The following DUSP8 variants were observed in gnomAD, a reference collection of about 807,000 sequenced individuals.
The protein encoded by DUSP8 is dual specificity phosphatase 8.
A neutral mutation model predicts 38.7 loss-of-function variants in DUSP8; 15 were observed. The observed-to-expected ratio is 0.39, with a 90% CI of 0.26 to 0.60. The LOEUF is 0.60. Among genes scored for constraint, DUSP8 ranks in the 20% least tolerant of loss-of-function variants. The pLI is 0.56. For synonymous variants in DUSP8, 458 were observed against 433.9 expected (o/e 1.06, Z -0.69); for missense variants, 768 against 915.0 (o/e 0.84, Z 2.07).
chr11:1,557,713 G>T lies in DUSP8; in HGVS notation c.821+81C>A, dbSNP rs1848658208. Reference sequence around the variant, plus strand: ...CCTTGCCACGGGTCCTGGACGGTGGGGTCATTCTGGTGCAAGTGGGCAGCC... The same window carrying T: ...CCTTGCCACGGGTCCTGGACGGTGGTGTCATTCTGGTGCAAGTGGGCAGCC... On this transcript the variant is annotated intron_variant, in intron 6 of 6. Coordinates refer to ENST00000397374, the MANE Select transcript of DUSP8 (RefSeq NM_004420.3). The surrounding 1 kb of genome is among the most constrained non-coding windows in gnomAD (Gnocchi z 9.9). The T allele has an allele frequency of 6.3e-7, 1 of 1,598,248 alleles. No homozygotes were observed. The highest frequency in any genetic ancestry group is 1.3e-5 in the African/African-American group (1 of 74,780).
chr11:1,554,676 A>G lies in DUSP8; in HGVS notation c.*1842T>C. ...GGGGCCCAACCAGTGGCCCCAGACC[A>G]CTGTCTCCCGGACAGCACAGGGGTG... On this transcript the variant is annotated 3_prime_UTR_variant, in exon 7 of 7. Transcript: ENST00000397374. 1 of 980,864 alleles carries G rather than the reference A, an allele frequency of 1.0e-6. No homozygotes were observed. The highest frequency in any genetic ancestry group is 1.1e-4 in the East Asian group (1 of 8,774). 60.8% of individuals were successfully genotyped at this position (980,864 alleles called of 1,614,324 possible).
At chr11:1,560,045 C>T (rs901365764) in intron 3 of DUSP8, among the ~76,000 whole-genome samples, 1 of 152,214 alleles carries the variant, frequency 6.6e-6, no homozygotes, top group Non-Finnish European at 1.5e-5. Context: ...GGGCGACCAC[C>T]GATGTGGACC....
intron 1 of DUSP8, among the ~76,000 whole-genome samples, chr11:1,568,500 T>C (rs1478443986): frequency 6.6e-6 from 1 of 152,152 alleles, no homozygotes; most frequent in Non-Finnish European, 1.5e-5. Flanking sequence ...GGGGATTCAT[T>C]AGCAAGTTAG....
intron 1 of DUSP8, among the ~76,000 whole-genome samples, chr11:1,568,686 C>T (rs1236276558): frequency 3.3e-5 from 5 of 152,212 alleles, no homozygotes; most frequent in Non-Finnish European, 7.4e-5. Context: ...CCCTCCGCTC[C>T]TCTGCCCTAC....
At position 1,565,889 on chromosome 11, in the gene DUSP8, C is replaced by T. The variant is rs1848795770; in HGVS notation, c.-63G>A. ...GTGAGGAGGGGCTGCTCCGACGGCCCAGGTGTGGCCTCGCGCTGGGAGTGA... is the reference window on the plus strand; with the variant it reads ...GTGAGGAGGGGCTGCTCCGACGGCCTAGGTGTGGCCTCGCGCTGGGAGTGA... On this transcript the variant is annotated 5_prime_UTR_variant, in exon 2 of 7. Coordinates refer to ENST00000397374, the MANE Select transcript of DUSP8 (RefSeq NM_004420.3). 20 of 1,408,944 alleles carry T rather than the reference C, an allele frequency of 1.4e-5. No homozygotes were observed. In the East Asian group the frequency reaches 4.6e-4, roughly 33 times the overall value. The allele number at this position is 1,408,944 out of a possible 1,614,324, so 87.3% of individuals were successfully genotyped here.
Position 1,559,275 on chromosome 11 carries a change from G to A in DUSP8, c.371-220C>T, listed in dbSNP as rs372863125. On this transcript the variant is annotated intron_variant, in intron 3 of 6. Transcript: ENST00000397374. ...CCACACATTTACAGCCTGCACCTACGCCCACATTCCTCCTCATGCTAATTA... is the reference window on the plus strand; with the variant it reads ...CCACACATTTACAGCCTGCACCTACACCCACATTCCTCCTCATGCTAATTA... The A allele has an allele frequency of 1.7e-4, 87 of 501,208 alleles. 1 individual carries two copies. The South Asian group carries it at 2.0e-3, about 12-fold the overall frequency. The allele number at this position is 501,208 out of a possible 1,614,324, so 31.0% of individuals were successfully genotyped here. A position where few individuals can be genotyped will look rare whatever the true frequency, so the allele number is the denominator to read the frequency against.
chr11:1,558,963 G>A lies in DUSP8; in HGVS notation c.463C>T (p.Pro155Ser), dbSNP rs775782936. 1.9e-6 allele frequency: 3 copies of A among 1,612,806 alleles called. No homozygotes were observed. Among genetic ancestry groups the A allele is most frequent in the Non-Finnish European group, 2.5e-6 (3 of 1,179,858 alleles). Residue 155 changes from proline to serine, a missense_variant, in exon 4 of 7, where the codon CCT becomes TCT. By Grantham distance (74) the Pro-to-Ser change is moderately conservative. Coordinates refer to ENST00000397374, the MANE Select transcript of DUSP8 (RefSeq NM_004420.3). The surrounding 1 kb of genome is among the most constrained non-coding windows in gnomAD (Gnocchi z 6.3). The part of the protein sequence containing the change: ...LPMSLSQPCL[P>S]VPSVGLTRIL... ...CGGGTCAGGCCCACGCTGGGCACAG[G>A]CAGGCAGGGCTGGGAGAGGCTCATG... is the stretch of plus-strand genomic sequence containing the variant.
In DUSP8 at chr11:1,558,179, C is replaced by G; in HGVS notation, c.630G>C (p.Arg210=). The G allele has an allele frequency of 1.2e-6, 2 of 1,611,996 alleles. No individual in the cohort carries two copies. The highest frequency in any genetic ancestry group is 1.7e-6 in the Non-Finnish European group (2 of 1,179,828). ...CACAGTAGTTGTCGTTGATGGGGAC[C>G]CGCATGAAGCGGCTCTCGCAGATGA... is the stretch of plus-strand genomic sequence containing the variant. ...PDFICESRFM[R]VPINDNYCEK... Residue 210 remains arginine, a synonymous_variant, in exon 5 of 7, where the codon CGG becomes CGC. Transcript: ENST00000397374. This position sits in a 1 kb window ranked among gnomAD's most constrained non-coding sequence, Gnocchi z 6.3.
At chr11:1,571,771 C>T (rs910897370) in intron 1 of DUSP8, 130 bp downstream of exon 1, 2 of 150,558 alleles carry the variant, frequency 1.3e-5, no homozygotes, top group African/African-American at 4.9e-5. Context: ...CCGGGGCCGC[C>T]TCCTCCTCCC....
chr11:1,557,226 G>A lies in DUSP8; in HGVS notation c.1170C>T (p.Leu390=), dbSNP rs1347561119. Residue 390 remains leucine (L), a synonymous_variant, in exon 7 of 7, where the codon CTC becomes CTT. Coordinates refer to ENST00000397374, the MANE Select transcript of DUSP8 (RefSeq NM_004420.3). The surrounding 1 kb of genome is among the most constrained non-coding windows in gnomAD (Gnocchi z 9.9). ...SSDRLQDTNR[L]KRSFSLDIKS... ...TGATGTCCAGGGAGAAGGAGCGCTTGAGGCGGTTAGTGTCCTGCAGGCGGT... is the reference window on the plus strand; with the variant it reads ...TGATGTCCAGGGAGAAGGAGCGCTTAAGGCGGTTAGTGTCCTGCAGGCGGT... 2 of 1,497,300 alleles carry A rather than the reference G, an allele frequency of 1.3e-6. No individual in the cohort carries two copies. The highest frequency in any genetic ancestry group is 1.8e-6 in the Non-Finnish European group (2 of 1,125,400). 92.8% of individuals were successfully genotyped at this position (1,497,300 alleles called of 1,614,324 possible). A position where few individuals can be genotyped will look rare whatever the true frequency, so the allele number is the denominator to read the frequency against.
chr11:1,565,937 G>T lies in DUSP8; in HGVS notation c.-108-3C>A. On this transcript the variant is annotated splice_polypyrimidine_tract_variant and splice_region_variant and intron_variant, in intron 1 of 6. Coordinates refer to ENST00000397374, the MANE Select transcript of DUSP8 (RefSeq NM_004420.3). The stretch of plus-strand genomic sequence containing the variant: ...TGACCTAGCACATGGTGCTGGACCT[G>T]CAGGGACAGGGGGATGGTCAGCAGT... 1 of 912,748 alleles carries T rather than the reference G, an allele frequency of 1.1e-6. No individual in the cohort carries two copies. Among genetic ancestry groups the T allele is most frequent in the Non-Finnish European group, 1.7e-6 (1 of 580,138 alleles). The allele number at this position is 912,748 out of a possible 1,614,324, so 56.5% of individuals were successfully genotyped here.
At position 1,565,620 on chromosome 11, in the gene DUSP8, G is replaced by T; in HGVS notation, c.207C>A (p.Leu69=). Residue 69 remains leucine (L), a synonymous_variant, in exon 2 of 7, where the codon CTC becomes CTA. Transcript: ENST00000397374. The part of the protein sequence containing the change: ...LQQGKVTIAE[L]IQPAARSQVE... ...CCTGGCTGCGTGCAGCCGGCTGGAT[G>T]AGCTCCGCAATGGTCACCTTGCCCT... The T allele has an allele frequency of 6.2e-7, 1 of 1,606,962 alleles. No individual in the cohort carries two copies. Among genetic ancestry groups the T allele is most frequent in the Non-Finnish European group, 8.5e-7 (1 of 1,176,262 alleles).
chr11:1,558,728 C>T lies in DUSP8; in HGVS notation c.537+161G>A, dbSNP rs1268554160. ...TCCTTCCAGGGGCATGGGTGGGGAG[C>T]CTGGGGTCCTCCTGGGCCCCCACCC... On this transcript the variant is annotated intron_variant, in intron 4 of 6. Coordinates refer to ENST00000397374, the MANE Select transcript of DUSP8 (RefSeq NM_004420.3). This position sits in a 1 kb window ranked among gnomAD's most constrained non-coding sequence, Gnocchi z 6.3. Among the ~76,000 whole-genome samples the T allele has an allele frequency of 7.2e-5, 11 of 152,068 alleles. No homozygotes were observed. Among genetic ancestry groups the T allele is most frequent in the Non-Finnish European group, 8.8e-5 (6 of 67,976 alleles).
chr11:1,568,907 C>T (rs1279187811), intron 1 of DUSP8, among the ~76,000 whole-genome samples: 2 of 152,218 alleles, frequency 1.3e-5, no homozygotes, highest in Non-Finnish European at 2.9e-5. Flanking sequence ...CCCAGGGGGA[C>T]ATGTTCCTCA....
intron 1 of DUSP8, among the ~76,000 whole-genome samples, chr11:1,569,154 A>AGGGGTTGGGGGGTGAGAGGC (rs1564937985): frequency 6.6e-6 from 1 of 152,060 alleles, no homozygotes; most frequent in African/African-American, 2.4e-5. Context: ...TCCAGTGCCT[A>AGGGGTTGGGGGGTGAGAGGC]GGGGTTGGGG....
rs774164065 is a variant in DUSP8, at chr11:1,565,673, A to T, written c.154T>A (p.Ser52Thr). 1 of 1,611,888 alleles carries T rather than the reference A, an allele frequency of 6.2e-7. No homozygotes were observed. Among genetic ancestry groups the T allele is most frequent in the Non-Finnish European group, 8.5e-7 (1 of 1,179,666 alleles). ...TGCAGCCGCCGCTTCACCAGCTTGG[A>T]GCAGCAGATGTTGACGGAGCTGAGC... Reference protein sequence around the residue: ...HVLSSVNICCSKLVKRRLQQG... With the variant: ...HVLSSVNICCTKLVKRRLQQG... The change falls in exon 2 of 7, where the codon TCC (serine) becomes ACC (threonine). Residue 52 changes from serine (S) to threonine (T), a missense_variant. Around this residue, in one of 3 missense-constraint regions of DUSP8, gnomAD observed 252 missense variants for 410.4 expected, o/e 0.61. Transcript: ENST00000397374.
At chr11:1,563,382 T>C (rs1848752120) in intron 3 of DUSP8, among the ~76,000 whole-genome samples, 2 of 152,118 alleles carry the variant, frequency 1.3e-5, no homozygotes, top group South Asian at 2.1e-4. Flanking sequence ...TGGGGCCAGT[T>C]GCCCAGGCTG....
chr11:1,565,489 T>G (rs1848786995), intron 2 of DUSP8, 107 bp downstream of exon 2: 2 of 873,198 alleles, frequency 2.3e-6, no homozygotes, highest in East Asian at 2.7e-5. Context: ...CCCCAAGGAG[T>G]CGAGTTTGGA....
At position 1,571,974 on chromosome 11, in the gene DUSP8, C is replaced by T. The variant is rs1848908024; in HGVS notation, c.-182G>A. Reference sequence around the variant, plus strand: ...AGGGCGCCCGCTCGGCCGCGCCGTCCATGGGCCCGGCGGGGGCCCGCGCAG... The same window carrying T: ...AGGGCGCCCGCTCGGCCGCGCCGTCTATGGGCCCGGCGGGGGCCCGCGCAG... On this transcript the variant is annotated 5_prime_UTR_variant, in exon 1 of 7. An upstream start codon of the reference 5' UTR is lost. Transcript: ENST00000397374. The T allele has an allele frequency of 6.9e-6, 1 of 145,772 alleles. No individual in the cohort carries two copies. The highest frequency in any genetic ancestry group is 2.1e-4 in the South Asian group (1 of 4,788). The allele number at this position is 145,772 out of a possible 1,614,324, so 9.0% of individuals were successfully genotyped here.
Sources: allele counts gnomAD v4.1 joint callset (sites outside exome capture counted in the v4.1 genomes callset), GRCh38; gene constraint gnomAD v4.1.1; regional missense constraint gnomAD v4.1.1; non-coding constraint Gnocchi (gnomAD v3.1); transcripts MANE v1.5; gene names NCBI Gene and HGNC (gene_info 2026-07-23, HGNC 2026-07-21).